The following ST8SIA4 variants were observed in gnomAD, a reference collection of about 807,000 sequenced individuals.
The protein encoded by ST8SIA4 is CMP-N-acetylneuraminate-poly-alpha-2,8-sialyltransferase.
ST8SIA4 carries 15 observed loss-of-function variants against 33.9 expected under a neutral mutation model. The ratio of observed to expected loss-of-function variants is 0.44; its 90% CI spans 0.30 to 0.68. The LOEUF is 0.68. Ranked by LOEUF, ST8SIA4 falls within the 30% of genes least tolerant of loss-of-function variation. The pLI, the probability that ST8SIA4 is intolerant of heterozygous loss-of-function variation, is 0.10. For missense variants in ST8SIA4, 321 were observed against 428.0 expected (o/e 0.75, Z 2.21); for synonymous variants, 171 against 151.2 (o/e 1.13, Z -0.96).
chr5:100,862,277 G>A (rs1435137769), intron 3 of ST8SIA4, among the ~76,000 whole-genome samples: 1 of 152,118 alleles, frequency 6.6e-6, no homozygotes, highest in Admixed American at 6.5e-5. Context: ...TGACTCAACT[G>A]TTCAGGAGAA....
At chr5:100,818,969 T>G (rs1226755274) in intron 4 of ST8SIA4, among the ~76,000 whole-genome samples, 1 of 152,182 alleles carries the variant, frequency 6.6e-6, no homozygotes, top group East Asian at 1.9e-4. Context: ...GATACAATGT[T>G]AAGAAATTCT....
At chr5:100,833,253 C>T (rs1482051347) in intron 4 of ST8SIA4, among the ~76,000 whole-genome samples, 2 of 152,050 alleles carry the variant, frequency 1.3e-5, no homozygotes, top group Non-Finnish European at 2.9e-5. Context: ...GACAATAAAT[C>T]TTTGTTAAAG....
At chr5:100,896,916 G>T (rs1447119040) in intron 1 of ST8SIA4, among the ~76,000 whole-genome samples, 2 of 152,074 alleles carry the variant, frequency 1.3e-5, no homozygotes, top group African/African-American at 4.8e-5. Context: ...GGTGATCTGG[G>T]CATGTTTGTG....
intron 4 of ST8SIA4, among the ~76,000 whole-genome samples, chr5:100,839,144 A>G (rs1305220342): frequency 6.6e-6 from 1 of 151,968 alleles, no homozygotes; most frequent in African/African-American, 2.4e-5. Flanking sequence ...AAATTTTTCT[A>G]TAACCTTTTG....
rs1290383311 is a variant in ST8SIA4, at chr5:100,807,565, TTTC to T, written c.*4279_*4281del. The T allele has an allele frequency of 6.6e-6, 1 of 152,540 alleles. No individual in the cohort carries two copies. Among genetic ancestry groups the T allele is most frequent in the Admixed American group, 6.5e-5 (1 of 15,278 alleles). The allele number at this position is 152,540 out of a possible 1,614,324, so 9.4% of individuals were successfully genotyped here. ...ACATTGCTAGCTTGAAGCCTTTACTTTTCTTCTTTATTATTAAGATTTGGACAT... is the reference window on the plus strand; with the variant it reads ...ACATTGCTAGCTTGAAGCCTTTACTTTTCTTTATTATTAAGATTTGGACAT... On this transcript the variant is annotated 3_prime_UTR_variant, in exon 5 of 5. Transcript: ENST00000231461.
At chr5:100,858,842 A>G (rs1349052455) in intron 3 of ST8SIA4, among the ~76,000 whole-genome samples, 1 of 152,120 alleles carries the variant, frequency 6.6e-6, no homozygotes, top group Non-Finnish European at 1.5e-5. Flanking sequence ...GCAGAGCACA[A>G]TCAGACTTTG....
chr5:100,833,989 C>G (rs1010093346), intron 4 of ST8SIA4, among the ~76,000 whole-genome samples: 7 of 151,998 alleles, frequency 4.6e-5, no homozygotes, highest in African/African-American at 1.7e-4. Context: ...AGAATATGTT[C>G]AATAAATATT....
chr5:100,837,791 C>T (rs1449319420), intron 4 of ST8SIA4, among the ~76,000 whole-genome samples: 1 of 142,712 alleles, frequency 7.0e-6, no homozygotes, highest in East Asian at 2.0e-4. Context: ...ATGTGGCCTA[C>T]TTTTTTGCAA....
intron 4 of ST8SIA4, among the ~76,000 whole-genome samples, chr5:100,853,796 T>C (rs1751752876): frequency 6.6e-6 from 1 of 152,178 alleles, no homozygotes; most frequent in Non-Finnish European, 1.5e-5. Flanking sequence ...CTGCAGTCAC[T>C]CCTCTTATTT....
chr5:100,874,506 T>G (rs1561402128), intron 3 of ST8SIA4, among the ~76,000 whole-genome samples: 1 of 152,074 alleles, frequency 6.6e-6, no homozygotes, highest in East Asian at 1.9e-4. Flanking sequence ...CCTCTCTCTG[T>G]GCCTTTTCCT....
intron 1 of ST8SIA4, among the ~76,000 whole-genome samples, chr5:100,899,990 C>A (rs1429716766): frequency 6.6e-6 from 1 of 152,060 alleles, no homozygotes; most frequent in African/African-American, 2.4e-5. Flanking sequence ...AAAAACATGT[C>A]GCAGGTATTC....
chr5:100,864,574 C>CAAAAAAAAAAAAAAAAAAAAAAAAAAAA (rs201029430), intron 3 of ST8SIA4, among the ~76,000 whole-genome samples: 1 of 69,384 alleles, frequency 1.4e-5, no homozygotes. Flanking sequence ...GACTCCGGCT[C>CAAAAAAAAAAAAAAAAAAAAAAAAAAAA]AAAAAAAAAA....
At chr5:100,857,501 C>T (rs1751843404) in intron 3 of ST8SIA4, among the ~76,000 whole-genome samples, 1 of 151,556 alleles carries the variant, frequency 6.6e-6, no homozygotes, top group Non-Finnish European at 1.5e-5. Flanking sequence ...TTGTTTGAAT[C>T]GATTCAATCA....
At chr5:100,883,178 T>C (rs1373303572) in intron 3 of ST8SIA4, among the ~76,000 whole-genome samples, 1 of 152,216 alleles carries the variant, frequency 6.6e-6, no homozygotes, top group Non-Finnish European at 1.5e-5. Flanking sequence ...GAGGCGGAGC[T>C]GCCCAAGACC....
intron 3 of ST8SIA4, among the ~76,000 whole-genome samples, chr5:100,858,373 A>G (rs1751861794): frequency 6.6e-6 from 1 of 152,152 alleles, no homozygotes; most frequent in African/African-American, 2.4e-5. Context: ...GAGGATTCCA[A>G]TTGTAGAGAA....
intron 4 of ST8SIA4, chr5:100,849,193 A>T (rs928178738): frequency 1.6e-4 from 158 of 985,190 alleles, no homozygotes; most frequent in Non-Finnish European, 1.9e-4. Context: ...GAATATTCCC[A>T]TGTGTAAGGA....
At chr5:100,825,662 C>T (rs1751126215) in intron 4 of ST8SIA4, among the ~76,000 whole-genome samples, 2 of 152,284 alleles carry the variant, frequency 1.3e-5, no homozygotes, top group Non-Finnish European at 2.9e-5. Context: ...GAACTCTGGA[C>T]ATTAAGTGGC....
At chr5:100,823,960 A>G (rs960628469) in intron 4 of ST8SIA4, among the ~76,000 whole-genome samples, 1 of 152,256 alleles carries the variant, frequency 6.6e-6, no homozygotes, top group Non-Finnish European at 1.5e-5. Flanking sequence ...CTCAGACTTT[A>G]TAACAATAAA....
chr5:100,857,866 ATAT>A (rs1380609849), intron 3 of ST8SIA4, among the ~76,000 whole-genome samples: 1 of 152,000 alleles, frequency 6.6e-6, no homozygotes, highest in African/African-American at 2.4e-5. Context: ...TAACACAATA[ATAT>A]TATTTAGAAA....
Sources: allele counts gnomAD v4.1 joint callset (sites outside exome capture counted in the v4.1 genomes callset), GRCh38; gene constraint gnomAD v4.1.1; transcripts MANE v1.5; gene names NCBI Gene and HGNC (gene_info 2026-07-23, HGNC 2026-07-21).